CACUL1: variants seen among roughly 807,000 people sequenced by gnomAD.
CACUL1 encodes CDK2-associated and cullin domain-containing protein 1.
In CACUL1, 13 loss-of-function variants were observed where a neutral mutation model predicts 45.2. The observed-to-expected ratio is 0.29, with a 90% CI of 0.19 to 0.46. The LOEUF (loss-of-function observed/expected upper bound fraction) is 0.46. CACUL1 is among the 20% of genes least tolerant of loss of function. The probability of loss-of-function intolerance (pLI) is 1.00; values close to 1 mark genes in which losing one functional copy is unlikely to be tolerated. For synonymous variants in CACUL1, 197 were observed against 174.2 expected (o/e 1.13, Z -1.03); for missense variants, 421 against 471.4 (o/e 0.89, Z 0.99).
At position 118,684,258 on chromosome 10, in the gene CACUL1, C is replaced by T. The variant is rs1845183466; in HGVS notation, c.*1870G>A. On this transcript the variant is annotated 3_prime_UTR_variant, in exon 9 of 9. Transcript: ENST00000369151. ...GAATTTCTCCACATTTAGAAACATTCCAATTTTATTCCTTTCAGAAAAATT... is the reference window on the plus strand; with the variant it reads ...GAATTTCTCCACATTTAGAAACATTTCAATTTTATTCCTTTCAGAAAAATT... 6.5e-6 allele frequency: 1 copy of T among 152,674 alleles called. No individual in the cohort carries two copies. The highest frequency in any genetic ancestry group is 2.4e-5 in the African/African-American group (1 of 41,544). The allele number at this position is 152,674 out of a possible 1,614,324, so 9.5% of individuals were successfully genotyped here. A position where few individuals can be genotyped will look rare whatever the true frequency, so the allele number is the denominator to read the frequency against.
intron 1 of CACUL1, among the ~76,000 whole-genome samples, chr10:118,754,136 T>C (rs923153284): frequency 7.2e-5 from 11 of 152,132 alleles, no homozygotes; most frequent in Non-Finnish European, 1.3e-4. Flanking sequence ...CTGACCGAAC[T>C]TGGGGCTCCG....
intron 3 of CACUL1, among the ~76,000 whole-genome samples, chr10:118,713,291 C>T (rs1326750228): frequency 1.3e-5 from 2 of 152,172 alleles, no homozygotes; most frequent in Admixed American, 6.5e-5. Flanking sequence ...TCTGAGCCTT[C>T]GAGGGCAGGG....
rs968168916 is a variant in CACUL1, at chr10:118,680,940, G to C, written c.*5188C>G. Reference sequence around the variant, plus strand: ...AAGTTCCAGTGAACCAGGTATTAAGGCCAAGGACATCTGTACAGGATTTAT... The same window carrying C: ...AAGTTCCAGTGAACCAGGTATTAAGCCCAAGGACATCTGTACAGGATTTAT... On this transcript the variant is annotated 3_prime_UTR_variant, in exon 9 of 9. Coordinates refer to ENST00000369151, the MANE Select transcript of CACUL1 (RefSeq NM_153810.5). 6.6e-6 allele frequency: 1 copy of C among 152,172 alleles called. No homozygotes were observed. The highest frequency in any genetic ancestry group is 2.4e-5 in the African/African-American group (1 of 41,432). 9.4% of individuals were successfully genotyped at this position (152,172 alleles called of 1,614,324 possible). A position where few individuals can be genotyped will look rare whatever the true frequency, so the allele number is the denominator to read the frequency against.
chr10:118,702,726 C>T (rs946299838), intron 4 of CACUL1, among the ~76,000 whole-genome samples: 8 of 151,760 alleles, frequency 5.3e-5, no homozygotes, highest in African/African-American at 1.7e-4. Context: ...GGATTACAGG[C>T]GTATACCACC....
Position 118,728,259 on chromosome 10 carries a change from G to A in CACUL1, c.597+1036C>T, listed in dbSNP as rs140057390. On this transcript the variant is annotated intron_variant, in intron 3 of 8. Coordinates refer to ENST00000369151, the MANE Select transcript of CACUL1 (RefSeq NM_153810.5). ...TATAAACTGTGGTTATTTCAAAACT[G>A]CTGGGGTGCTTCCTAATTGTGGTAT... 5.9e-5 allele frequency among the ~76,000 whole-genome samples: 9 copies of A among 152,064 alleles called. No homozygotes were observed. In the East Asian group the frequency reaches 1.7e-3, roughly 30 times the overall value.
At chr10:118,715,373 G>A (rs1392757221) in intron 3 of CACUL1, among the ~76,000 whole-genome samples, 4 of 152,104 alleles carry the variant, frequency 2.6e-5, no homozygotes, top group East Asian at 1.9e-4. Context: ...TCAGTCACCC[G>A]AATTTGATGT....
At chr10:118,749,283 A>C (rs1224924337) in intron 1 of CACUL1, among the ~76,000 whole-genome samples, 1 of 152,170 alleles carries the variant, frequency 6.6e-6, no homozygotes, top group East Asian at 1.9e-4. Flanking sequence ...AATGGGCATG[A>C]TTATTTAAAG....
At chr10:118,739,067 G>C (rs148745474) in intron 1 of CACUL1, among the ~76,000 whole-genome samples, 1,935 of 151,808 alleles carry the variant, frequency 0.013, 41 homozygotes, top group African/African-American at 0.044. Flanking sequence ...ATGGTGGCGG[G>C]CACCTGTATT....
At chr10:118,686,576 G>A (rs765662432) in intron 8 of CACUL1, 22 bp downstream of exon 8, 6 of 1,586,370 alleles carry the variant, frequency 3.8e-6, no homozygotes, top group South Asian at 2.2e-5. Context: ...CCATCAAGAT[G>A]GGAAGGAACA....
intron 1 of CACUL1, 132 bp downstream of exon 1, chr10:118,754,264 G>A (rs1845930085): frequency 1.5e-6 from 2 of 1,343,188 alleles, no homozygotes; most frequent in Non-Finnish European, 2.0e-6. Flanking sequence ...GCAGGGAGGC[G>A]AAGGCGGACG....
At chr10:118,701,249 A>G in intron 5 of CACUL1, 57 bp downstream of exon 5, 1 of 1,005,136 alleles carries the variant, frequency 9.9e-7, no homozygotes, top group South Asian at 1.9e-5. Context: ...CAAAAAAAAA[A>G]GAAAAAGGAA....
chr10:118,748,507 T>C (rs1243705181), intron 1 of CACUL1, among the ~76,000 whole-genome samples: 2 of 152,152 alleles, frequency 1.3e-5, no homozygotes, highest in African/African-American at 4.8e-5. Context: ...AATTCCTTCA[T>C]CTCTCACTCA....
At position 118,679,387 on chromosome 10, in the gene CACUL1, TTTA is replaced by T. The variant is rs1313167007; in HGVS notation, c.*6738_*6740del. On this transcript the variant is annotated 3_prime_UTR_variant, in exon 9 of 9. Coordinates refer to ENST00000369151, the MANE Select transcript of CACUL1 (RefSeq NM_153810.5). ...ATTTTTTTTTAATTTATTTTTATTT[TTTA>T]TTTTTTGTAGAGACAGGGTTTCACC... The T allele has an allele frequency of 6.6e-6, 1 of 151,846 alleles. No homozygotes were observed. The highest frequency in any genetic ancestry group is 1.5e-5 in the Non-Finnish European group (1 of 67,988). The allele number at this position is 151,846 out of a possible 1,614,324, so 9.4% of individuals were successfully genotyped here.
rs760707177 is a variant in CACUL1 at position 118,680,648 on chromosome 10, G to A, written c.*5480C>T. ...AACCTAAGTCCAAAAGTTGATTAAA[G>A]GTCCACAGAAGAAACTGTACAGTGT... is the stretch of plus-strand genomic sequence containing the variant. On this transcript the variant is annotated 3_prime_UTR_variant, in exon 9 of 9. Transcript: ENST00000369151. 1 of 152,132 alleles carries A rather than the reference G, an allele frequency of 6.6e-6. No homozygotes were observed. The highest frequency in any genetic ancestry group is 2.4e-5 in the African/African-American group (1 of 41,420). The allele number at this position is 152,132 out of a possible 1,614,324, so 9.4% of individuals were successfully genotyped here.
At position 118,749,966 on chromosome 10, in the gene CACUL1, C is replaced by T. The variant is rs138260080; in HGVS notation, c.367+4430G>A. On this transcript the variant is annotated intron_variant, in intron 1 of 8. Transcript: ENST00000369151. ...CCCTTTCCTACCAAAGTAATAAACT[C>T]GAAGCAACAAACAACACATCTCTGT... Among the ~76,000 whole-genome samples, 6 of 152,272 alleles carry T rather than the reference C, an allele frequency of 3.9e-5. No homozygotes were observed. The East Asian group carries it at 9.6e-4, about 24-fold the overall frequency.
chr10:118,750,638 G>A (rs1845888700), intron 1 of CACUL1, among the ~76,000 whole-genome samples: 1 of 152,056 alleles, frequency 6.6e-6, no homozygotes, highest in Non-Finnish European at 1.5e-5. Flanking sequence ...ATACATTAAC[G>A]CGGCAGCTAT....
chr10:118,717,669 G>C (rs976214364), intron 3 of CACUL1, among the ~76,000 whole-genome samples: 2 of 152,216 alleles, frequency 1.3e-5, no homozygotes, highest in African/African-American at 4.8e-5. Flanking sequence ...AGTCATAAAA[G>C]CAGATAAGCA....
At chr10:118,745,296 G>T (rs941260407) in intron 1 of CACUL1, among the ~76,000 whole-genome samples, 1 of 152,166 alleles carries the variant, frequency 6.6e-6, no homozygotes, top group Non-Finnish European at 1.5e-5. Flanking sequence ...AGTGGCTCAT[G>T]ACTGTAATCC....
chr10:118,691,880 A>G (rs983816932), intron 6 of CACUL1, among the ~76,000 whole-genome samples: 3 of 150,636 alleles, frequency 2.0e-5, no homozygotes, highest in Non-Finnish European at 3.0e-5. Flanking sequence ...AAAAAAAAAA[A>G]AAAAAAAAAA....
Sources: allele counts gnomAD v4.1 joint callset (sites outside exome capture counted in the v4.1 genomes callset), GRCh38; gene constraint gnomAD v4.1.1; transcripts MANE v1.5; gene names NCBI Gene and HGNC (gene_info 2026-07-23, HGNC 2026-07-21).